The following PCDHGC4 variants were observed in gnomAD, a reference collection of about 807,000 sequenced individuals.
PCDHGC4 encodes the protein protocadherin gamma-C4.
PCDHGC4 carries 15 observed loss-of-function variants against 59.7 expected under a neutral mutation model. The ratio of observed to expected loss-of-function variants is 0.25; its 90% CI spans 0.17 to 0.39. The LOEUF is 0.39. Ranked by LOEUF, PCDHGC4 falls within the 10% of genes least tolerant of loss-of-function variation. The probability of loss-of-function intolerance (pLI) is 1.00; values close to 1 mark genes in which losing one functional copy is unlikely to be tolerated. For missense variants in PCDHGC4, 1,016 were observed against 1,189.5 expected, an observed-to-expected ratio of 0.85 and a Z score of 2.15; for synonymous variants, 434 against 481.4, an observed-to-expected ratio of 0.90 and a Z score of 1.29.
At position 141,510,979 on chromosome 5, in the gene PCDHGC4, G is replaced by T; in HGVS notation, c.2623G>T (p.Gly875Cys). 3.7e-6 allele frequency: 6 copies of T among 1,614,156 alleles called. No individual in the cohort carries two copies. Among genetic ancestry groups the T allele is most frequent in the Non-Finnish European group, 4.2e-6 (5 of 1,180,018 alleles). Residue 875 changes from glycine to cysteine, a missense_variant, in exon 4 of 4, where the codon GGT becomes TGT. Gly to Cys is a radical substitution (Grantham distance 159). Coordinates refer to ENST00000306593, the MANE Select transcript of PCDHGC4 (RefSeq NM_018928.3). ...TGATGGGAGCTCCACCCTGGGAGGGGGTGCCGGCACCATGGGATTGAGCGC... is the reference window on the plus strand; with the variant it reads ...TGATGGGAGCTCCACCCTGGGAGGGTGTGCCGGCACCATGGGATTGAGCGC... Reference protein sequence around the residue: ...AADGSSTLGGGAGTMGLSARY... With the variant: ...AADGSSTLGGCAGTMGLSARY...
intron 2 of PCDHGC4, 99 bp from the exon 3 acceptor site, chr5:141,505,294 G>T: frequency 6.4e-7 from 1 of 1,572,086 alleles, no homozygotes; most frequent in Non-Finnish European, 8.6e-7. Context: ...GCATGGGGTA[G>T]GGTTAGGGTA....
At chr5:141,494,188 T>C (rs2099752632) in intron 1 of PCDHGC4, among the ~76,000 whole-genome samples, 1 of 152,186 alleles carries the variant, frequency 6.6e-6, no homozygotes, top group South Asian at 2.1e-4. Flanking sequence ...GTCCCGGGAC[T>C]TGGATGCCCC....
chr5:141,486,987 G>C lies in PCDHGC4; in HGVS notation c.1814G>C (p.Trp605Ser), dbSNP rs1327158531. ...AVDLDSGYNA[W>S]VSYQLLEAPD... ...GACTTGGATTCAGGTTACAATGCTTGGGTTTCCTATCAGCTCCTGGAGGCC... is the reference window on the plus strand; with the variant it reads ...GACTTGGATTCAGGTTACAATGCTTCGGTTTCCTATCAGCTCCTGGAGGCC... Residue 605 changes from tryptophan (W) to serine (S), a missense_variant, in exon 1 of 4, where the codon TGG (tryptophan) becomes TCG (serine). By Grantham distance (177) the Trp-to-Ser change is radical. Transcript: ENST00000306593. The surrounding 1 kb of genome is among the most constrained non-coding windows in gnomAD (Gnocchi z 5.0). The C allele has an allele frequency of 6.2e-7, 1 of 1,614,144 alleles. No homozygotes were observed. Among genetic ancestry groups the C allele is most frequent in the Admixed American group, 1.7e-5 (1 of 60,020 alleles).
At position 141,489,774 on chromosome 5, in the gene PCDHGC4, C is replaced by T; in HGVS notation, c.2442+2159C>T. The T allele has an allele frequency of 1.2e-6, 2 of 1,614,164 alleles. No homozygotes were observed. Among genetic ancestry groups the T allele is most frequent in the Non-Finnish European group, 8.5e-7 (1 of 1,179,998 alleles). On this transcript the variant is annotated intron_variant, in intron 1 of 3. Transcript: ENST00000306593. The surrounding 1 kb of genome is among the most constrained non-coding windows in gnomAD (Gnocchi z 4.5). The stretch of plus-strand genomic sequence containing the variant: ...ACACTCTAAGCCCCAACAGCCACTT[C>T]TCTCTGAATGTGAAGACCCTAAAAG...
At chr5:141,494,554 T>C (rs1270280236) in intron 1 of PCDHGC4, among the ~76,000 whole-genome samples, 1 of 152,178 alleles carries the variant, frequency 6.6e-6, no homozygotes, top group African/African-American at 2.4e-5. Flanking sequence ...GGGCCATTTC[T>C]TTAGGAAAGG....
At chr5:141,503,396 A>G (rs1025780031) in intron 2 of PCDHGC4, among the ~76,000 whole-genome samples, 2 of 151,944 alleles carry the variant, frequency 1.3e-5, no homozygotes, top group African/African-American at 2.4e-5. Flanking sequence ...GGAGTTCGAA[A>G]CCAACCTGGC....
Position 141,493,836 on chromosome 5 carries a change from A to G in PCDHGC4, c.2443-971A>G, listed in dbSNP as rs1411929024. Among the ~76,000 whole-genome samples the G allele has an allele frequency of 6.6e-6, 1 of 152,194 alleles. No individual in the cohort carries two copies. Among genetic ancestry groups the G allele is most frequent in the Non-Finnish European group, 1.5e-5 (1 of 68,038 alleles). On this transcript the variant is annotated intron_variant, in intron 1 of 3. Transcript: ENST00000306593. This position sits in a 1 kb window ranked among gnomAD's most constrained non-coding sequence, Gnocchi z 4.3. ...ACACTCTCTGCTTCTGGGAGCAAGT[A>G]TGAGTATTAATTACCAGCCCACCCC...
intron 3 of PCDHGC4, 94 bp downstream of exon 3, chr5:141,505,575 C>T: frequency 6.3e-7 from 1 of 1,592,302 alleles, no homozygotes. Context: ...GATGTCAAAC[C>T]TGTGTAGTTT....
intron 2 of PCDHGC4, among the ~76,000 whole-genome samples, chr5:141,497,540 C>A (rs866982821): frequency 7.4e-6 from 1 of 134,944 alleles, no homozygotes; most frequent in African/African-American, 2.8e-5. Context: ...TGCAACAAAC[C>A]TTTTTTTTTT....
chr5:141,487,314 A>G lies in PCDHGC4; in HGVS notation c.2141A>G (p.Lys714Arg). ...GGCTCATTCGTGGCACTACTCTCTAAGTGTCTTCGTGGGGCAGCCTGTGGA... is the reference window on the plus strand; with the variant it reads ...GGCTCATTCGTGGCACTACTCTCTAGGTGTCTTCGTGGGGCAGCCTGTGGA... Reference protein sequence around the residue: ...SFGSFVALLSKCLRGAACGVT... With the variant: ...SFGSFVALLSRCLRGAACGVT... The change falls in exon 1 of 4, where the codon AAG becomes AGG. Residue 714 changes from lysine (K) to arginine (R), a missense_variant. Transcript: ENST00000306593. The surrounding 1 kb of genome is among the most constrained non-coding windows in gnomAD (Gnocchi z 5.0). The G allele has an allele frequency of 6.2e-7, 1 of 1,614,002 alleles. No individual in the cohort carries two copies. Among genetic ancestry groups the G allele is most frequent in the African/African-American group, 1.3e-5 (1 of 74,994 alleles).
At chr5:141,504,240 G>A (rs1275204117) in intron 2 of PCDHGC4, among the ~76,000 whole-genome samples, 1 of 152,182 alleles carries the variant, frequency 6.6e-6, no homozygotes, top group Non-Finnish European at 1.5e-5. Context: ...AAGAAGCAGA[G>A]AGTTCTTCTT....
rs962136728 is a variant in PCDHGC4 at position 141,491,524 on chromosome 5, G to A, written c.2443-3283G>A. 1 of 1,613,960 alleles carries A rather than the reference G, an allele frequency of 6.2e-7. No homozygotes were observed. The highest frequency in any genetic ancestry group is 1.3e-5 in the African/African-American group (1 of 74,936). On this transcript the variant is annotated intron_variant, in intron 1 of 3. Coordinates refer to ENST00000306593, the MANE Select transcript of PCDHGC4 (RefSeq NM_018928.3). The surrounding 1 kb of genome is among the most constrained non-coding windows in gnomAD (Gnocchi z 6.9). ...GGACGGCACGCTCAAGTACATGGAG[G>A]TGACGCTGCGGCCCACAGACTCGCA...
In PCDHGC4 at chr5:141,485,125, G is replaced by A. The variant is rs776015544; in HGVS notation, c.-49G>A. 7.1e-7 allele frequency: 1 copy of A among 1,412,160 alleles called. No homozygotes were observed. The highest frequency in any genetic ancestry group is 1.2e-5 in the South Asian group (1 of 81,022). The allele number at this position is 1,412,160 out of a possible 1,614,324, so 87.5% of individuals were successfully genotyped here. On this transcript the variant is annotated 5_prime_UTR_variant, in exon 1 of 4. Transcript: ENST00000306593. This position sits in a 1 kb window ranked among gnomAD's most constrained non-coding sequence, Gnocchi z 5.7. ...CTGCTGTGGCTGTTTGGGGCGGGTC[G>A]GCTTCATCCGCGTCTCAGGAGCAAG... is the stretch of plus-strand genomic sequence containing the variant.
intron 2 of PCDHGC4, among the ~76,000 whole-genome samples, chr5:141,500,935 C>A (rs1159997919): frequency 1.3e-5 from 2 of 151,694 alleles, no homozygotes; most frequent in Non-Finnish European, 2.9e-5. Flanking sequence ...GTGGCGCCAT[C>A]TCGGCTCACT....
At chr5:141,495,274 G>A (rs1396412578) in intron 2 of PCDHGC4, among the ~76,000 whole-genome samples, 1 of 152,190 alleles carries the variant, frequency 6.6e-6, no homozygotes, top group Non-Finnish European at 1.5e-5. Context: ...TTGACCGGAG[G>A]AGGCGGTCCG....
At chr5:141,488,564 G>T (rs1047904416) in intron 1 of PCDHGC4, among the ~76,000 whole-genome samples, 1 of 152,154 alleles carries the variant, frequency 6.6e-6, no homozygotes, top group African/African-American at 2.4e-5. Context: ...TGAGATTTCC[G>T]CAAAGCATTG....
chr5:141,494,775 A>G (rs1202233200), intron 1 of PCDHGC4, 32 bp from the exon 2 acceptor site: 1 of 1,613,580 alleles, frequency 6.2e-7, no homozygotes. Flanking sequence ...TCTCACGGGT[A>G]CTCAGCCCCT....
At chr5:141,501,881 C>T (rs1396427606) in intron 2 of PCDHGC4, among the ~76,000 whole-genome samples, 1 of 152,124 alleles carries the variant, frequency 6.6e-6, no homozygotes, top group East Asian at 1.9e-4. Context: ...CCTTACACTC[C>T]TGATCATCAT....
At chr5:141,510,158 A>G (rs1406170246) in intron 3 of PCDHGC4, among the ~76,000 whole-genome samples, 1 of 152,018 alleles carries the variant, frequency 6.6e-6, no homozygotes, top group African/African-American at 2.4e-5. Flanking sequence ...CTGTAATCTC[A>G]GCTACTCAGG....
Sources: allele counts gnomAD v4.1 joint callset (sites outside exome capture counted in the v4.1 genomes callset), GRCh38; gene constraint gnomAD v4.1.1; non-coding constraint Gnocchi (gnomAD v3.1); transcripts MANE v1.5; gene names NCBI Gene and HGNC (gene_info 2026-07-23, HGNC 2026-07-21).